The following DNM3 variants were observed in gnomAD, a reference collection of about 807,000 sequenced individuals.
DNM3 encodes the protein dynamin 3.
Under a neutral mutation model 101.6 loss-of-function variants are expected in DNM3, and 47 were observed. That is an observed-to-expected ratio of 0.46 (90% CI 0.37 to 0.59). DNM3 has a LOEUF of 0.59. Among genes scored for constraint, DNM3 ranks in the 20% least tolerant of loss-of-function variants. The pLI is 0.00. For missense variants in DNM3, 849 were observed against 1,085.7 expected (o/e 0.78, Z 3.06); for synonymous variants, 385 against 387.9 (o/e 0.99, Z 0.09).
intron 1 of DNM3, among the ~76,000 whole-genome samples, chr1:171,910,044 C>T (rs1418081348): frequency 6.6e-6 from 1 of 152,158 alleles, no homozygotes; most frequent in East Asian, 1.9e-4. Flanking sequence ...AGCATTCATT[C>T]CATGTTTTGC....
intron 1 of DNM3, among the ~76,000 whole-genome samples, chr1:171,891,641 T>C (rs2037293183): frequency 6.6e-6 from 1 of 152,202 alleles, no homozygotes. Context: ...CCTTGACAGT[T>C]TTGAGGAGTA....
chr1:172,344,108 T>C (rs2066820289), intron 17 of DNM3, among the ~76,000 whole-genome samples: 1 of 152,178 alleles, frequency 6.6e-6, no homozygotes, highest in Non-Finnish European at 1.5e-5. Flanking sequence ...TTTCTTTCCA[T>C]TGAGCACTCA....
chr1:172,201,666 C>T (rs10911270), intron 14 of DNM3, among the ~76,000 whole-genome samples: 37,937 of 152,124 alleles, frequency 0.25, 5,310 homozygotes, highest in Middle Eastern at 0.34. Flanking sequence ...GGTTTTTACT[C>T]CTTCATTAGT....
chr1:172,058,836 A>G (rs2050883153), intron 10 of DNM3, among the ~76,000 whole-genome samples: 1 of 151,710 alleles, frequency 6.6e-6, no homozygotes, highest in Admixed American at 6.6e-5. Flanking sequence ...GGCAAGAAAT[A>G]ACTAAAATCA....
intron 13 of DNM3, among the ~76,000 whole-genome samples, chr1:172,094,387 G>T (rs1034545691): frequency 6.6e-6 from 1 of 152,118 alleles, no homozygotes. Context: ...GATAAAGCAG[G>T]CTTATTCTTC....
chr1:171,914,447 A>G (rs6425484), intron 1 of DNM3, among the ~76,000 whole-genome samples: 42,551 of 152,168 alleles, frequency 0.28, 6,250 homozygotes, highest in Admixed American at 0.35. Context: ...GTGAGCCACC[A>G]CAGCTGGCTG....
rs1042553653 is a variant in DNM3 at position 172,009,038 on chromosome 1, A to G, written c.589+19890A>G. On this transcript the variant is annotated intron_variant, in intron 4 of 20. Coordinates refer to ENST00000627582, the MANE Select transcript of DNM3 (RefSeq NM_015569.5). Reference sequence around the variant, plus strand: ...ATGTACTTATTTATATATACAATATATATTTATATATTATATAATATATTA... The same window carrying G: ...ATGTACTTATTTATATATACAATATGTATTTATATATTATATAATATATTA... 3.0e-5 allele frequency among the ~76,000 whole-genome samples: 4 copies of G among 131,614 alleles called. 1 individual carries two copies. Among genetic ancestry groups the G allele is most frequent in the African/African-American group, 1.1e-4 (4 of 34,870 alleles). The allele number at this position is 131,614 out of a possible 152,430, so 86.3% of individuals were successfully genotyped here.
intron 12 of DNM3, among the ~76,000 whole-genome samples, chr1:172,091,317 A>G (rs2053892844): frequency 6.6e-6 from 1 of 152,210 alleles, no homozygotes; most frequent in Non-Finnish European, 1.5e-5. Context: ...CAAACACAAA[A>G]AATAAATACA....
At chr1:172,382,695 A>C (rs1021079227) in intron 18 of DNM3, among the ~76,000 whole-genome samples, 2 of 152,058 alleles carry the variant, frequency 1.3e-5, no homozygotes, top group African/African-American at 4.8e-5. Context: ...TTATTTTCCC[A>C]GACAGTTAAT....
At chr1:171,936,481 T>C (rs907377602) in intron 2 of DNM3, among the ~76,000 whole-genome samples, 6 of 152,224 alleles carry the variant, frequency 3.9e-5, no homozygotes, top group Admixed American at 6.5e-5. Context: ...TAAATGCTAC[T>C]ATATTGTTTA....
intron 1 of DNM3, among the ~76,000 whole-genome samples, chr1:171,863,787 A>G (rs1353312203): frequency 1.3e-5 from 2 of 152,254 alleles, no homozygotes; most frequent in East Asian, 3.9e-4. Context: ...TTCGGTTTCC[A>G]TATTGCCAGG....
intron 11 of DNM3, among the ~76,000 whole-genome samples, chr1:172,074,070 T>G (rs1056272310): frequency 1.3e-5 from 2 of 152,162 alleles, no homozygotes; most frequent in African/African-American, 4.8e-5. Flanking sequence ...ATCACAAATC[T>G]TCATTTAATT....
At chr1:172,361,719 T>C (rs80346968) in intron 17 of DNM3, among the ~76,000 whole-genome samples, 1 of 152,068 alleles carries the variant, frequency 6.6e-6, no homozygotes, top group African/African-American at 2.4e-5. Context: ...GAGCTCCCTG[T>C]TTGGCATCTC....
intron 14 of DNM3, among the ~76,000 whole-genome samples, chr1:172,165,381 T>C (rs1458402161): frequency 6.6e-6 from 1 of 152,114 alleles, no homozygotes; most frequent in African/African-American, 2.4e-5. Flanking sequence ...GCATGTTTAA[T>C]ATTTATACGC....
At chr1:172,052,156 G>A (rs186872917) in intron 10 of DNM3, among the ~76,000 whole-genome samples, 29 of 152,180 alleles carry the variant, frequency 1.9e-4, no homozygotes, top group Non-Finnish European at 2.5e-4. Flanking sequence ...GGCCATAAAT[G>A]GGCACTATGA....
intron 17 of DNM3, among the ~76,000 whole-genome samples, chr1:172,367,574 A>T (rs989756540): frequency 6.6e-6 from 1 of 151,886 alleles, no homozygotes; most frequent in South Asian, 2.1e-4. Context: ...AGATGACAAG[A>T]TTAAGTCCTC....
chr1:172,387,268 G>A lies in DNM3; in HGVS notation c.2194G>A (p.Ala732Thr). The A allele has an allele frequency of 6.2e-7, 1 of 1,613,978 alleles. No homozygotes were observed. Among genetic ancestry groups the A allele is most frequent in the Non-Finnish European group, 8.5e-7 (1 of 1,179,882 alleles). Residue 732 changes from alanine (A) to threonine (T), a missense_variant, in exon 19 of 21, where the codon GCC becomes ACC. Ala to Thr is a moderately conservative substitution (Grantham distance 58, BLOSUM62 0). This residue lies in a region of DNM3 where 256 missense variants were observed against 311.7 expected (regional missense o/e 0.82). Coordinates refer to ENST00000627582, the MANE Select transcript of DNM3 (RefSeq NM_015569.5). ...MLRMYQALKE[A>T]LGIIGDISTA... ...TCGAATGTATCAAGCACTGAAAGAA[G>A]CCCTTGGGATAATTGGGGACATCAG...
Position 171,993,898 on chromosome 1 carries a change from T to A in DNM3, c.589+4750T>A, listed in dbSNP as rs192575221. Among the ~76,000 whole-genome samples the A allele has an allele frequency of 2.1e-3, 321 of 152,220 alleles. 1 individual carries two copies. Among genetic ancestry groups the A allele is most frequent in the African/African-American group, 7.2e-3 (299 of 41,572 alleles). The stretch of plus-strand genomic sequence containing the variant: ...ATTAAATCTCTATAGTGAATTTTTT[T>A]ATTTCAGTTATTTTATCTCCAGATT... On this transcript the variant is annotated intron_variant, in intron 4 of 20. Coordinates refer to ENST00000627582, the MANE Select transcript of DNM3 (RefSeq NM_015569.5).
At chr1:172,097,229 A>G (rs796594783) in intron 13 of DNM3, among the ~76,000 whole-genome samples, 17 of 152,094 alleles carry the variant, frequency 1.1e-4, no homozygotes, top group African/African-American at 3.9e-4. Context: ...GTGAAACCCC[A>G]TCTCTACTAA....
Sources: allele counts gnomAD v4.1 joint callset (sites outside exome capture counted in the v4.1 genomes callset), GRCh38; gene constraint gnomAD v4.1.1; regional missense constraint gnomAD v4.1.1; transcripts MANE v1.5; gene names NCBI Gene and HGNC (gene_info 2026-07-23, HGNC 2026-07-21).